EDARADD: variants seen among roughly 807,000 people sequenced by gnomAD.
EDARADD encodes EDAR associated via death domain.
A neutral mutation model predicts 25.6 loss-of-function variants in EDARADD; 20 were observed. The ratio of observed to expected loss-of-function variants is 0.78; its 90% CI spans 0.55 to 1.14. EDARADD has a LOEUF of 1.14. Among genes scored for constraint, EDARADD ranks in the 50% most tolerant of loss-of-function variants. The pLI is 0.00. For synonymous variants in EDARADD, 86 were observed against 94.4 expected (o/e 0.91, Z 0.52); for missense variants, 225 against 270.1 (o/e 0.83, Z 1.17).
chr1:236,464,323 C>T lies in EDARADD; in HGVS notation c.220-3908C>T, dbSNP rs1659124192. Among the ~76,000 whole-genome samples, 4 of 150,364 alleles carry T rather than the reference C, an allele frequency of 2.7e-5. No homozygotes were observed. The Admixed American group carries it at 2.7e-4, about 10-fold the overall frequency. ...GGAGTGCAGTGGTTCAATGATAGCT[C>T]ACTGCAACCTTGAACTCCTGGGCTC... On this transcript the variant is annotated intron_variant, in intron 4 of 5. Coordinates refer to ENST00000334232, the MANE Select transcript of EDARADD (RefSeq NM_145861.4).
At chr1:236,431,184 C>A (rs1000713725) in intron 4 of EDARADD, among the ~76,000 whole-genome samples, 3 of 152,118 alleles carry the variant, frequency 2.0e-5, no homozygotes, top group African/African-American at 7.2e-5. Flanking sequence ...TTATTATCTG[C>A]CTTTTTAGTG....
At chr1:236,481,382 T>C (rs1373966286) in intron 5 of EDARADD, among the ~76,000 whole-genome samples, 2 of 152,164 alleles carry the variant, frequency 1.3e-5, no homozygotes, top group African/African-American at 2.4e-5. Flanking sequence ...AAATGCACAC[T>C]GTAAGACATA....
At chr1:236,393,191 G>A (rs1438832244), upstream of EDARADD, among the ~76,000 whole-genome samples, 1 of 152,022 alleles carries the variant, frequency 6.6e-6, no homozygotes, top group African/African-American at 2.4e-5. Flanking sequence ...AGAGTGACAG[G>A]TCCATCAGCG....
chr1:236,388,544 C>A (rs1389753698), intron 3 of EDARADD, among the ~76,000 whole-genome samples: 1 of 152,138 alleles, frequency 6.6e-6, no homozygotes, highest in Non-Finnish European at 1.5e-5. Context: ...CGTCAGATTT[C>A]TTTTTATGTT....
At chr1:236,478,357 A>ATGTGTGTGTG (rs746114148) in intron 5 of EDARADD, among the ~76,000 whole-genome samples, 97 of 128,302 alleles carry the variant, frequency 7.6e-4, no homozygotes, top group South Asian at 1.5e-3. Flanking sequence ...ATCCATATAT[A>ATGTGTGTGTG]TATGTGTGTG....
At chr1:236,463,187 C>G (rs1659084585) in intron 4 of EDARADD, among the ~76,000 whole-genome samples, 2 of 152,248 alleles carry the variant, frequency 1.3e-5, no homozygotes, top group South Asian at 4.1e-4. Flanking sequence ...TCGTGTCACT[C>G]TGGCACGGGG....
intron 1 of EDARADD, among the ~76,000 whole-genome samples, chr1:236,400,720 A>ATTTTTTTTTTTTTT (rs55864840): frequency 6.6e-5 from 8 of 121,180 alleles, no homozygotes; most frequent in Non-Finnish European, 8.3e-5. Context: ...ACACCCGGCT[A>ATTTTTTTTTTTTTT]TTTTTTTTTT....
chr1:236,383,461 C>T (rs1449233890), intron 3 of EDARADD, among the ~76,000 whole-genome samples: 1 of 151,604 alleles, frequency 6.6e-6, no homozygotes, highest in African/African-American at 2.4e-5. Flanking sequence ...TGTATTCCAG[C>T]TCCCAGAGAG....
intron 1 of EDARADD, among the ~76,000 whole-genome samples, chr1:236,407,663 C>T (rs542879524): frequency 7.4e-5 from 11 of 149,348 alleles, no homozygotes; most frequent in Non-Finnish European, 5.9e-5. Flanking sequence ...GGCGGACCCA[C>T]GACTGCCACT....
intron 3 of EDARADD, among the ~76,000 whole-genome samples, chr1:236,360,913 A>C (rs894793083): frequency 2.6e-5 from 4 of 152,100 alleles, no homozygotes; most frequent in African/African-American, 9.7e-5. Flanking sequence ...GGTGAATCAG[A>C]GATCAGCCAG....
At chr1:236,454,478 A>G (rs1429704032) in intron 4 of EDARADD, among the ~76,000 whole-genome samples, 1 of 152,174 alleles carries the variant, frequency 6.6e-6, no homozygotes, top group African/African-American at 2.4e-5. Flanking sequence ...TTCAGAGACC[A>G]GGGCCCCATC....
chr1:236,397,615 T>C (rs937498360), intron 1 of EDARADD, among the ~76,000 whole-genome samples: 33 of 152,204 alleles, frequency 2.2e-4, no homozygotes, highest in Admixed American at 2.0e-3. Context: ...TCTGTCTCTT[T>C]GACTTCAAGA....
At chr1:236,427,589 A>G (rs1363300253) in intron 4 of EDARADD, 139 bp downstream of exon 4, 1 of 751,018 alleles carries the variant, frequency 1.3e-6, no homozygotes, top group East Asian at 2.7e-5. Flanking sequence ...AATGGTCTCT[A>G]AGCATCCCAG....
intron 4 of EDARADD, among the ~76,000 whole-genome samples, chr1:236,468,019 C>T (rs568749836): frequency 3.7e-4 from 57 of 152,202 alleles, no homozygotes; most frequent in African/African-American, 1.3e-3. Flanking sequence ...GCACAGGGAG[C>T]AAATAAACAA....
At chr1:236,439,747 T>C (rs1658353056) in intron 4 of EDARADD, among the ~76,000 whole-genome samples, 1 of 152,240 alleles carries the variant, frequency 6.6e-6, no homozygotes, top group South Asian at 2.1e-4. Context: ...CAGATAACAG[T>C]CCTTTATCTG....
intron 4 of EDARADD, among the ~76,000 whole-genome samples, chr1:236,467,986 G>A (rs1284233887): frequency 2.6e-5 from 4 of 152,060 alleles, no homozygotes; most frequent in African/African-American, 9.7e-5. Context: ...TGTGTATCAA[G>A]CACTGTTCTG....
rs575432890 is a variant in EDARADD at position 236,452,890 on chromosome 1, G to A, written c.220-15341G>A. Among the ~76,000 whole-genome samples the A allele has an allele frequency of 5.3e-4, 81 of 152,226 alleles. 1 individual carries two copies. In the Middle Eastern group the frequency reaches 0.01, roughly 19 times the overall value. ...TATAGGATGTCCCATTACAGTCTCC[G>A]CCGTATAGCTACGTAAGGGTTTCTT... On this transcript the variant is annotated intron_variant, in intron 4 of 5. Coordinates refer to ENST00000334232, the MANE Select transcript of EDARADD (RefSeq NM_145861.4).
intron 2 of EDARADD, among the ~76,000 whole-genome samples, chr1:236,350,494 C>T (rs868699938): frequency 2.0e-5 from 3 of 152,150 alleles, no homozygotes; most frequent in Non-Finnish European, 4.4e-5. Flanking sequence ...AGGCTGGTCT[C>T]GCACTCCTGA....
intron 1 of EDARADD, among the ~76,000 whole-genome samples, chr1:236,401,616 G>T (rs1017167112): frequency 6.6e-6 from 1 of 152,178 alleles, no homozygotes; most frequent in Non-Finnish European, 1.5e-5. Context: ...AAGAAGAGTA[G>T]ATGAGATTTA....
Sources: allele counts gnomAD v4.1 joint callset (sites outside exome capture counted in the v4.1 genomes callset), GRCh38; gene constraint gnomAD v4.1.1; transcripts MANE v1.5; gene names NCBI Gene and HGNC (gene_info 2026-07-23, HGNC 2026-07-21).